Variants in TESC observed in about 807,000 individuals in gnomAD.
TESC encodes calcineurin B homologous protein 3.
TESC carries 19 observed loss-of-function variants against 31.0 expected under a neutral mutation model. That is an observed-to-expected ratio of 0.61 (90% CI 0.43 to 0.90). The LOEUF (loss-of-function observed/expected upper bound fraction) is 0.90. TESC is among the 40% of genes least tolerant of loss of function. The pLI is 0.00. For missense variants in TESC, 248 were observed against 303.8 expected, an observed-to-expected ratio of 0.82 and a Z score of 1.36; for synonymous variants, 109 against 114.8, an observed-to-expected ratio of 0.95 and a Z score of 0.32.
At chr12:117,045,976 CTCTGAG>C (rs1237782167) in intron 6 of TESC, among the ~76,000 whole-genome samples, 2 of 152,198 alleles carry the variant, frequency 1.3e-5, no homozygotes, top group East Asian at 3.9e-4. Context: ...TCTCTATGCT[CTCTGAG>C]TCTCAGTTTT....
intron 1 of TESC, among the ~76,000 whole-genome samples, chr12:117,090,564 G>C (rs1955292663): frequency 6.6e-6 from 1 of 152,114 alleles, no homozygotes; most frequent in African/African-American, 2.4e-5. Flanking sequence ...TTCTATTTTT[G>C]CTGTCATTTT....
chr12:117,088,248 G>C (rs1295689636), intron 1 of TESC, among the ~76,000 whole-genome samples: 1 of 152,182 alleles, frequency 6.6e-6, no homozygotes, highest in Non-Finnish European at 1.5e-5. Context: ...AAAAGCAACA[G>C]TGAATCAGGA....
chr12:117,062,754 C>T (rs117543665), intron 2 of TESC, among the ~76,000 whole-genome samples: 2,141 of 152,338 alleles, frequency 0.014, 25 homozygotes, highest in South Asian at 0.034. Context: ...CATCAATACT[C>T]GTGTCAGTTT....
chr12:117,071,075 C>G (rs906877733), intron 2 of TESC, among the ~76,000 whole-genome samples: 1 of 152,222 alleles, frequency 6.6e-6, no homozygotes, highest in Admixed American at 6.5e-5. Context: ...CGTGCCAAGA[C>G]CCCTGCTGAA....
intron 3 of TESC, 116 bp downstream of exon 3, chr12:117,056,690 C>CA (rs1954728870): frequency 8.8e-7 from 1 of 1,131,724 alleles, no homozygotes; most frequent in Non-Finnish European, 1.3e-6. Context: ...CCCTACCCAG[C>CA]TTGGCCCCCT....
chr12:117,067,906 T>C (rs1954910040), intron 2 of TESC, among the ~76,000 whole-genome samples: 1 of 152,122 alleles, frequency 6.6e-6, no homozygotes, highest in African/African-American at 2.4e-5. Flanking sequence ...CGTGCTTTTT[T>C]TTCTTTTTGA....
At chr12:117,040,584 CG>C (rs1284659202) in intron 7 of TESC, among the ~76,000 whole-genome samples, 2 of 148,316 alleles carry the variant, frequency 1.3e-5, no homozygotes, top group Non-Finnish European at 3.0e-5. Context: ...CTTGCTCTGG[CG>C]GGCGTCACCT....
intron 2 of TESC, among the ~76,000 whole-genome samples, chr12:117,057,124 T>C (rs768603055): frequency 6.6e-6 from 1 of 152,040 alleles, no homozygotes; most frequent in Non-Finnish European, 1.5e-5. Context: ...TTTTTTGAGA[T>C]AGAGTCTCAC....
chr12:117,041,052 CA>C (rs1954476832), intron 7 of TESC, among the ~76,000 whole-genome samples: 1 of 150,590 alleles, frequency 6.6e-6, no homozygotes, highest in Admixed American at 6.6e-5. Flanking sequence ...GGGATGGGGA[CA>C]GGGGTCCTCT....
rs143742287 is a variant in TESC, at chr12:117,053,184, C to T, written c.209+3622G>A. On this transcript the variant is annotated intron_variant, in intron 3 of 7. Transcript: ENST00000335209. ...CTGCCCCCTCCTTCAGGGAGCACCA[C>T]GCCTGTGCCAGTCCTCCCACAGCTC... Among the ~76,000 whole-genome samples, 571 of 152,368 alleles carry T rather than the reference C, an allele frequency of 3.7e-3. 4 individuals are homozygous for T. The highest frequency in any genetic ancestry group is 7.4e-3 in the Admixed American group (113 of 15,308).
intron 2 of TESC, among the ~76,000 whole-genome samples, chr12:117,074,739 G>A (rs189231121): frequency 1.1e-4 from 17 of 152,312 alleles, no homozygotes; most frequent in Admixed American, 7.2e-4. Context: ...GCATGGGGTG[G>A]CTGAAGAGCC....
rs1460209253 is a variant in TESC, at chr12:117,041,020, C to T, written c.567+927G>A. On this transcript the variant is annotated intron_variant, in intron 7 of 7. Transcript: ENST00000335209. ...TGTTGTGATGCCCAGGGCCGAACTG[C>T]GGGGAGGGGGATGGGGGGAGGGGGA... Among the ~76,000 whole-genome samples the T allele has an allele frequency of 2.2e-4, 10 of 44,624 alleles. No individual in the cohort carries two copies. The East Asian group carries it at 4.3e-3, about 19-fold the overall frequency. 29.3% of individuals were successfully genotyped at this position (44,624 alleles called of 152,430 possible).
intron 1 of TESC, among the ~76,000 whole-genome samples, chr12:117,084,978 A>G (rs1455272777): frequency 6.6e-6 from 1 of 152,212 alleles, no homozygotes; most frequent in African/African-American, 2.4e-5. Context: ...AGATGCAAAA[A>G]GCGCAGCCCC....
At chr12:117,096,121 T>C (rs1362339001) in intron 1 of TESC, among the ~76,000 whole-genome samples, 2 of 152,180 alleles carry the variant, frequency 1.3e-5, no homozygotes, top group Non-Finnish European at 2.9e-5. Context: ...TGGGGAATTA[T>C]GTTCATTATC....
At chr12:117,066,465 G>A (rs1371830755) in intron 2 of TESC, among the ~76,000 whole-genome samples, 7 of 150,048 alleles carry the variant, frequency 4.7e-5, no homozygotes, top group Admixed American at 3.3e-4. Context: ...TCCGCCTCCC[G>A]GGTTCACGCC....
At chr12:117,068,714 G>A (rs1369649726) in intron 2 of TESC, among the ~76,000 whole-genome samples, 5 of 151,782 alleles carry the variant, frequency 3.3e-5, no homozygotes, top group Non-Finnish European at 5.9e-5. Flanking sequence ...ATTTACCTCC[G>A]GAATTACTCC....
chr12:117,096,665 T>C (rs911985861), intron 1 of TESC, among the ~76,000 whole-genome samples: 4 of 152,022 alleles, frequency 2.6e-5, no homozygotes, highest in Non-Finnish European at 4.4e-5. Flanking sequence ...TCAAGGGAGG[T>C]ACTATGACTA....
Position 117,076,346 on chromosome 12 carries a change from G to T in TESC, c.59-1006C>A, listed in dbSNP as rs565102741. On this transcript the variant is annotated intron_variant, in intron 1 of 7. Transcript: ENST00000335209. The stretch of plus-strand genomic sequence containing the variant: ...TGGAAGGACTCCAATCTGGTGATGG[G>T]GTAAGACCCTGTCTCTAAAAAATGC... 5.3e-5 allele frequency among the ~76,000 whole-genome samples: 8 copies of T among 152,088 alleles called. No individual in the cohort carries two copies. In the South Asian group the frequency reaches 1.7e-3, roughly 32 times the overall value.
At chr12:117,075,931 A>ATATATGTGTGTGTG (rs1955065057) in intron 1 of TESC, among the ~76,000 whole-genome samples, 1 of 109,826 alleles carries the variant, frequency 9.1e-6, no homozygotes, top group African/African-American at 4.3e-5. Flanking sequence ...GTGTATATAT[A>ATATATGTGTGTGTG]TATATATATG....
Sources: gnomAD v4.1 joint callset for allele counts (sites outside exome capture counted in the v4.1 genomes callset) on GRCh38, gnomAD v4.1.1 for gene constraint, MANE v1.5 for transcripts, NCBI Gene and HGNC (gene_info 2026-07-23, HGNC 2026-07-21) for gene names.